Variants in CNTN5 observed in about 807,000 individuals in gnomAD.
The protein encoded by CNTN5 is contactin 5.
Under a neutral mutation model 129.1 loss-of-function variants are expected in CNTN5, and 77 were observed. That is an observed-to-expected ratio of 0.60 (90% CI 0.50 to 0.72). CNTN5 has a LOEUF of 0.72. Among genes scored for constraint, CNTN5 ranks in the 30% least tolerant of loss-of-function variants. The pLI, the probability that CNTN5 is intolerant of heterozygous loss-of-function variation, is 0.00. For synonymous variants in CNTN5, 509 were observed against 465.6 expected (o/e 1.09, Z -1.20); for missense variants, 1,478 against 1,328.8 (o/e 1.11, Z -1.75).
intron 13 of CNTN5, among the ~76,000 whole-genome samples, chr11:100,109,383 G>A (rs1340318611): frequency 4.6e-5 from 7 of 152,240 alleles, no homozygotes; most frequent in Non-Finnish European, 8.8e-5. Context: ...CCAAGATTGC[G>A]CCGCTGTCCT....
At chr11:99,302,111 T>C (rs958031909) in intron 1 of CNTN5, among the ~76,000 whole-genome samples, 10 of 151,480 alleles carry the variant, frequency 6.6e-5, no homozygotes, top group African/African-American at 2.4e-4. Flanking sequence ...AGTTATAAAT[T>C]TCTATATTAA....
At chr11:99,928,425 G>A (rs549412491) in intron 7 of CNTN5, among the ~76,000 whole-genome samples, 1 of 152,300 alleles carries the variant, frequency 6.6e-6, no homozygotes, top group Non-Finnish European at 1.5e-5. Context: ...CTCTGTCCCT[G>A]CAGCAAGCTT....
intron 3 of CNTN5, among the ~76,000 whole-genome samples, chr11:99,783,798 T>C (rs1472423165): frequency 2.0e-5 from 3 of 150,702 alleles, no homozygotes; most frequent in South Asian, 2.1e-4. Context: ...GGAAGGGGAA[T>C]ATCACACTCT....
chr11:100,053,183 T>C (rs982028422), intron 9 of CNTN5, among the ~76,000 whole-genome samples: 1 of 151,676 alleles, frequency 6.6e-6, no homozygotes. Context: ...TTTTACTTTC[T>C]GGAGTCAGAA....
intron 10 of CNTN5, among the ~76,000 whole-genome samples, chr11:100,063,706 T>TAAA (rs35896237): frequency 5.2e-5 from 6 of 115,280 alleles, no homozygotes; most frequent in Admixed American, 9.6e-5. Context: ...AACCTGTCTC[T>TAAA]AAAAAAAAAA....
In CNTN5 at chr11:99,047,396, AC is replaced by A. The variant is rs756213068; in HGVS notation, c.-210+26128del. The stretch of plus-strand genomic sequence containing the variant: ...TGAATTTTGGCAAAAAAAAAAAAAA[AC>A]CAAAAAAGTGTATGTGTATGGCGTG... On this transcript the variant is annotated intron_variant, in intron 1 of 24. Coordinates refer to ENST00000524871, the MANE Select transcript of CNTN5 (RefSeq NM_014361.4). Among the ~76,000 whole-genome samples, 692 of 149,836 alleles carry A rather than the reference AC, an allele frequency of 4.6e-3. 4 individuals are homozygous for A. Among genetic ancestry groups the A allele is most frequent in the African/African-American group, 0.016 (639 of 40,028 alleles).
intron 2 of CNTN5, among the ~76,000 whole-genome samples, chr11:99,337,431 CTAAAT>C (rs1866278021): frequency 6.6e-6 from 1 of 152,146 alleles, no homozygotes; most frequent in African/African-American, 2.4e-5. Flanking sequence ...TCTATAGATA[CTAAAT>C]TAACTAAAAG....
At chr11:99,776,773 G>A (rs1377754837) in intron 3 of CNTN5, among the ~76,000 whole-genome samples, 2 of 151,184 alleles carry the variant, frequency 1.3e-5, no homozygotes, top group African/African-American at 4.9e-5. Context: ...ATATCTTATA[G>A]GAAACTCAAT....
rs551293704 is a variant in CNTN5, at chr11:100,339,561, GGA to G, written c.2731-897_2731-896del. Among the ~76,000 whole-genome samples the G allele has an allele frequency of 9.7e-4, 148 of 152,250 alleles. 2 individuals are homozygous for G. The highest frequency in any genetic ancestry group is 4.8e-3 in the Admixed American group (74 of 15,282). On this transcript the variant is annotated intron_variant, in intron 21 of 24. Coordinates refer to ENST00000524871, the MANE Select transcript of CNTN5 (RefSeq NM_014361.4). ...GGCATTATTCAGAAAGAACAAATAA[GGA>G]GAGAATGGGCAAAAAAGGAATAGAA...
At chr11:100,040,080 T>A (rs1369054490) in intron 9 of CNTN5, among the ~76,000 whole-genome samples, 1 of 152,170 alleles carries the variant, frequency 6.6e-6, no homozygotes, top group Non-Finnish European at 1.5e-5. Context: ...CTGCTCTTTT[T>A]TTTTCCCATC....
intron 13 of CNTN5, among the ~76,000 whole-genome samples, chr11:100,120,978 T>A (rs1055151239): frequency 9.9e-5 from 15 of 151,946 alleles, no homozygotes; most frequent in Admixed American, 5.9e-4. Context: ...AAGTAAAGCA[T>A]CCCCTTCGCC....
At chr11:100,254,596 T>C (rs966042254) in intron 16 of CNTN5, among the ~76,000 whole-genome samples, 2 of 152,158 alleles carry the variant, frequency 1.3e-5, no homozygotes, top group East Asian at 1.9e-4. Context: ...ACAAAAAAAG[T>C]TCGTTCCTTA....
chr11:99,217,135 G>T (rs1402928886), intron 1 of CNTN5, among the ~76,000 whole-genome samples: 1 of 152,070 alleles, frequency 6.6e-6, no homozygotes, highest in Admixed American at 6.6e-5. Flanking sequence ...AGCCAAGATC[G>T]CACCACTGCA....
chr11:100,256,744 G>C (rs577288717), intron 17 of CNTN5, among the ~76,000 whole-genome samples: 2 of 152,182 alleles, frequency 1.3e-5, no homozygotes, highest in African/African-American at 4.8e-5. Context: ...GAGAGACTGT[G>C]TCATGAGGAA....
At chr11:99,272,758 A>G (rs1191641044) in intron 1 of CNTN5, among the ~76,000 whole-genome samples, 5 of 151,884 alleles carry the variant, frequency 3.3e-5, no homozygotes, top group Non-Finnish European at 7.4e-5. Context: ...CAGTGTGACC[A>G]CAGGAAGAAA....
At chr11:99,558,996 C>A (rs540562490) in intron 3 of CNTN5, among the ~76,000 whole-genome samples, 1 of 152,148 alleles carries the variant, frequency 6.6e-6, no homozygotes, top group Admixed American at 6.5e-5. Flanking sequence ...CAAAATCTTT[C>A]ATTTGCCTTC....
At chr11:99,608,917 A>G (rs987797516) in intron 3 of CNTN5, among the ~76,000 whole-genome samples, 2 of 152,190 alleles carry the variant, frequency 1.3e-5, no homozygotes, top group African/African-American at 2.4e-5. Flanking sequence ...AAATCTAGCA[A>G]TGGACATAGA....
At chr11:99,423,753 G>T (rs902816803) in intron 2 of CNTN5, among the ~76,000 whole-genome samples, 7 of 151,962 alleles carry the variant, frequency 4.6e-5, no homozygotes, top group African/African-American at 1.7e-4. Context: ...AGGTTCCCTG[G>T]TGATGCCAAT....
At chr11:99,677,749 A>T (rs1953355298) in intron 3 of CNTN5, among the ~76,000 whole-genome samples, 1 of 152,146 alleles carries the variant, frequency 6.6e-6, no homozygotes, top group East Asian at 1.9e-4. Flanking sequence ...TGGGTTGGTG[A>T]TTACAGTATA....
Sources: allele counts gnomAD v4.1 joint callset (sites outside exome capture counted in the v4.1 genomes callset), GRCh38; gene constraint gnomAD v4.1.1; transcripts MANE v1.5; gene names NCBI Gene and HGNC (gene_info 2026-07-23, HGNC 2026-07-21).